The following DIP2B variants were observed in gnomAD, a reference collection of about 807,000 sequenced individuals.
DIP2B encodes disco-interacting protein 2 homolog B.
In DIP2B, 76 loss-of-function variants were observed where a neutral mutation model predicts 198.0. That is an observed-to-expected ratio of 0.38 (90% confidence interval 0.32 to 0.46). The LOEUF is 0.46. Ranked by LOEUF, DIP2B falls within the 20% of genes least tolerant of loss-of-function variation. The probability of loss-of-function intolerance (pLI) is 0.99; values close to 1 mark genes in which losing one functional copy is unlikely to be tolerated. For synonymous variants in DIP2B, 701 were observed against 739.1 expected (o/e 0.95, Z 0.84); for missense variants, 1,559 against 1,978.4 (o/e 0.79, Z 4.02).
At chr12:50,722,340 G>A (rs1425950496) in intron 26 of DIP2B, among the ~76,000 whole-genome samples, 5 of 150,544 alleles carry the variant, frequency 3.3e-5, no homozygotes, top group East Asian at 1.9e-4. Context: ...TGCAACCTCC[G>A]CCTCCCTGGT....
intron 1 of DIP2B, among the ~76,000 whole-genome samples, chr12:50,510,723 G>A (rs950900870): frequency 1.3e-5 from 2 of 149,326 alleles, no homozygotes; most frequent in Admixed American, 6.8e-5. Context: ...TCAGCTCACC[G>A]CAACCTCCAC....
intron 1 of DIP2B, among the ~76,000 whole-genome samples, chr12:50,609,098 A>T (rs1049766116): frequency 2.0e-5 from 3 of 152,146 alleles, no homozygotes; most frequent in African/African-American, 7.2e-5. Flanking sequence ...GTGCCATTGC[A>T]CTCTAGCCTG....
intron 1 of DIP2B, among the ~76,000 whole-genome samples, chr12:50,556,000 C>T (rs977748427): frequency 3.3e-5 from 5 of 151,968 alleles, no homozygotes; most frequent in African/African-American, 1.2e-4. Flanking sequence ...TTTAGCATGT[C>T]CTGCTTCTCT....
chr12:50,603,509 C>T (rs1393229134), intron 1 of DIP2B, among the ~76,000 whole-genome samples: 1 of 152,064 alleles, frequency 6.6e-6, no homozygotes, highest in Non-Finnish European at 1.5e-5. Context: ...GAGGCCAAGG[C>T]GGGTGGATTG....
Position 50,697,155 on chromosome 12 carries a change from C to T in DIP2B, c.2028C>T (p.Ala676=). 6.2e-7 allele frequency: 1 copy of T among 1,614,046 alleles called. No homozygotes were observed. Among genetic ancestry groups the T allele is most frequent in the Non-Finnish European group, 8.5e-7 (1 of 1,179,952 alleles). Residue 676 remains alanine, a synonymous_variant, in exon 17 of 38, where the codon GCC becomes GCT. Transcript: ENST00000301180. The part of the protein sequence containing the change: ...AICPCATSAE[A]MTVAIRRPGV... ...GTCCGTGCGCCACGTCTGCTGAAGC[C>T]ATGACTGTAGCAATCCGCAGGTACT...
rs7134898 is a variant in DIP2B, at chr12:50,662,788, A to G, written c.427+2469A>G. ...TTAATCATTGCCATTAAAGTCTTTAAAAAAAAAATGAGCTTCTGGCCAGCT... is the reference window on the plus strand; with the variant it reads ...TTAATCATTGCCATTAAAGTCTTTAGAAAAAAAATGAGCTTCTGGCCAGCT... On this transcript the variant is annotated intron_variant, in intron 4 of 37. Coordinates refer to ENST00000301180, the MANE Select transcript of DIP2B (RefSeq NM_173602.3). Among the ~76,000 whole-genome samples, 447 of 151,750 alleles carry G rather than the reference A, an allele frequency of 2.9e-3. 5 individuals are homozygous for G. The highest frequency in any genetic ancestry group is 0.01 in the African/African-American group (424 of 41,404).
chr12:50,533,396 AC>A (rs1958235451), intron 1 of DIP2B, among the ~76,000 whole-genome samples: 5 of 152,166 alleles, frequency 3.3e-5, no homozygotes, highest in Admixed American at 2.6e-4. Flanking sequence ...CTGCAGGTCA[AC>A]CCCTGACAAG....
chr12:50,588,440 G>A lies in DIP2B; in HGVS notation c.101-37536G>A, dbSNP rs141420515. Among the ~76,000 whole-genome samples, 422 of 152,236 alleles carry A rather than the reference G, an allele frequency of 2.8e-3. 1 individual carries two copies. Among genetic ancestry groups the A allele is most frequent in the African/African-American group, 9.6e-3 (399 of 41,540 alleles). ...GCTGGAATTACAGGCACGAGCCCCC[G>A]TGCCCGGCCTGATTCATCAGTACTT... On this transcript the variant is annotated intron_variant, in intron 1 of 37. Coordinates refer to ENST00000301180, the MANE Select transcript of DIP2B (RefSeq NM_173602.3).
intron 23 of DIP2B, 69 bp from the exon 24 acceptor site, chr12:50,718,640 C>T (rs1939777486): frequency 1.4e-6 from 2 of 1,380,070 alleles, no homozygotes; most frequent in Admixed American, 3.7e-5. Flanking sequence ...TTTGGTCAGT[C>T]TGGAAATGCT....
At chr12:50,739,367 G>A (rs1412708354) in intron 35 of DIP2B, 42 bp from the exon 36 acceptor site, 2 of 1,584,444 alleles carry the variant, frequency 1.3e-6, no homozygotes, top group Non-Finnish European at 1.7e-6. Context: ...TAATACAGTT[G>A]TGTGTCCCCA....
intron 19 of DIP2B, 94 bp downstream of exon 19, chr12:50,699,296 G>A (rs1190675252): frequency 3.2e-5 from 49 of 1,524,868 alleles, no homozygotes; most frequent in Non-Finnish European, 4.2e-5. Context: ...AGCATAACAT[G>A]TGGTTGAGAG....
rs1938094295 is a variant in DIP2B at position 50,633,196 on chromosome 12, G to GA, written c.172+7155dup. 2.0e-5 allele frequency: 3 copies of GA among 151,992 alleles called. No homozygotes were observed. In the South Asian group the frequency reaches 6.2e-4, roughly 31 times the overall value. 9.4% of individuals were successfully genotyped at this position (151,992 alleles called of 1,614,324 possible). A position where few individuals can be genotyped will look rare whatever the true frequency, so the allele number is the denominator to read the frequency against. On this transcript the variant is annotated intron_variant, in intron 2 of 37. Transcript: ENST00000301180. Reference sequence around the variant, plus strand: ...CATAAATCTTTAAAACAGGACTTCAGAAAAAATTAACAGTGTAACAGGAAA... The same window carrying GA: ...CATAAATCTTTAAAACAGGACTTCAGAAAAAAATTAACAGTGTAACAGGAAA...
chr12:50,678,886 C>G lies in DIP2B; in HGVS notation c.1114+10C>G. On this transcript the variant is annotated intron_variant, in intron 8 of 37. Transcript: ENST00000301180. ...TACACTCTTACATATGGTGAGTCTGCAAGATTCCAGATCCTTCTCTCCTGA... is the reference window on the plus strand; with the variant it reads ...TACACTCTTACATATGGTGAGTCTGGAAGATTCCAGATCCTTCTCTCCTGA... 6.2e-7 allele frequency: 1 copy of G among 1,614,034 alleles called. No homozygotes were observed. Among genetic ancestry groups the G allele is most frequent in the South Asian group, 1.1e-5 (1 of 91,058 alleles).
At chr12:50,686,529 C>CTGA in intron 11 of DIP2B, 44 bp from the exon 12 acceptor site, 8 of 1,579,452 alleles carry the variant, frequency 5.1e-6, no homozygotes, top group Non-Finnish European at 6.9e-6. Flanking sequence ...AATTCATTCC[C>CTGA]TGATGGCTTA....
chr12:50,574,772 A>G (rs1021774759), intron 1 of DIP2B, among the ~76,000 whole-genome samples: 3 of 152,240 alleles, frequency 2.0e-5, no homozygotes, highest in Non-Finnish European at 4.4e-5. Flanking sequence ...GGTTGGTGCC[A>G]GGGTAGGAGA....
intron 2 of DIP2B, among the ~76,000 whole-genome samples, chr12:50,636,547 G>A (rs1938162951): frequency 1.3e-5 from 2 of 152,202 alleles, no homozygotes; most frequent in African/African-American, 4.8e-5. Flanking sequence ...TATAGGCAGT[G>A]CAAAAGGAGA....
chr12:50,669,484 G>C (rs1039082472), intron 4 of DIP2B, among the ~76,000 whole-genome samples: 1 of 152,166 alleles, frequency 6.6e-6, no homozygotes. Context: ...GGGCAGTGAT[G>C]CTATCTCTGC....
chr12:50,541,450 TGG>T (rs1475589373), intron 1 of DIP2B, among the ~76,000 whole-genome samples: 1 of 151,584 alleles, frequency 6.6e-6, no homozygotes, highest in Non-Finnish European at 1.5e-5. Flanking sequence ...CAACTTCTGT[TGG>T]GAGAACAGAG....
chr12:50,606,178 T>G (rs1030022483), intron 1 of DIP2B, among the ~76,000 whole-genome samples: 4 of 152,054 alleles, frequency 2.6e-5, no homozygotes, highest in African/African-American at 9.7e-5. Flanking sequence ...TGAAGTACAG[T>G]GATATCATCA....
Sources: gnomAD v4.1 joint callset for allele counts (sites outside exome capture counted in the v4.1 genomes callset) on GRCh38, gnomAD v4.1.1 for gene constraint, MANE v1.5 for transcripts, NCBI Gene and HGNC (gene_info 2026-07-23, HGNC 2026-07-21) for gene names.